The following RERGL variants were observed in gnomAD, a reference collection of about 807,000 sequenced individuals.
RERGL encodes the protein ras-related and estrogen-regulated growth inhibitor-like protein.
A neutral mutation model predicts 24.7 loss-of-function variants in RERGL; 22 were observed. The ratio of observed to expected loss-of-function variants is 0.89; its 90% CI spans 0.64 to 1.27. The LOEUF (loss-of-function observed/expected upper bound fraction) is 1.27, where lower values mean the gene tolerates loss of function less well. Among genes scored for constraint, RERGL ranks in the 50% most tolerant of loss-of-function variants. The pLI is 0.00. For synonymous variants in RERGL, 76 were observed against 82.6 expected, an observed-to-expected ratio of 0.92 and a Z score of 0.43; for missense variants, 259 against 235.3, an observed-to-expected ratio of 1.10 and a Z score of -0.66.
Position 18,082,329 on chromosome 12 carries a change from T to C in RERGL, c.333-856A>G, listed in dbSNP as rs1258801320. 3.9e-5 allele frequency among the ~76,000 whole-genome samples: 6 copies of C among 151,930 alleles called. No homozygotes were observed. The East Asian group carries it at 5.8e-4, about 15-fold the overall frequency. ...GGGGAACAACACACAATGGTGCCTA[T>C]TGGAAGGTCGAGGGTGGGAGGAGGA... On this transcript the variant is annotated intron_variant, in intron 4 of 4. Coordinates refer to ENST00000538724, the MANE Select transcript of RERGL (RefSeq NM_001286201.2).
intron 2 of RERGL, 128 bp downstream of exon 2, chr12:18,088,772 G>T: frequency 2.8e-6 from 2 of 713,784 alleles, no homozygotes; most frequent in Non-Finnish European, 5.0e-6. Context: ...ATCAGAATAT[G>T]TGAATAAATA....
intron 1 of RERGL, 104 bp from the exon 2 acceptor site, chr12:18,089,060 T>C: frequency 8.5e-7 from 1 of 1,170,276 alleles, no homozygotes. Context: ...TATTCAAGAA[T>C]TAATAAAGAC....
chr12:18,090,061 T>C, intron 1 of RERGL, 28 bp downstream of exon 1: 1 of 1,517,928 alleles, frequency 6.6e-7, no homozygotes, highest in Non-Finnish European at 8.8e-7. Flanking sequence ...CTACACTCTA[T>C]GATAACAGAG....
At chr12:18,083,619 A>G (rs1230470689) in intron 4 of RERGL, among the ~76,000 whole-genome samples, 1 of 152,148 alleles carries the variant, frequency 6.6e-6, no homozygotes, top group African/African-American at 2.4e-5. Context: ...AAAGGAAAGC[A>G]AGAATGTACA....
chr12:18,088,931 C>G lies in RERGL; in HGVS notation c.78G>C (p.Lys26Asn). 1 of 1,610,718 alleles carries G rather than the reference C, an allele frequency of 6.2e-7. No individual in the cohort carries two copies. Among genetic ancestry groups the G allele is most frequent in the Non-Finnish European group, 8.5e-7 (1 of 1,177,226 alleles). The change falls in exon 2 of 5, where the codon AAG (lysine) becomes AAC (asparagine). Residue 26 changes from lysine to asparagine, a missense_variant. By Grantham distance (94) the Lys-to-Asn change is moderately conservative (BLOSUM62 0). Coordinates refer to ENST00000538724, the MANE Select transcript of RERGL (RefSeq NM_001286201.2). ...TAGAAGCATATTCTCCAATGAATCGCTTAGTAAGAAACCTCACTGTAAGGG... is the reference window on the plus strand; with the variant it reads ...TAGAAGCATATTCTCCAATGAATCGGTTAGTAAGAAACCTCACTGTAAGGG... ...KSALTVRFLTKRFIGEYASNF... is the reference protein window; with the variant it reads ...KSALTVRFLTNRFIGEYASNF...
rs114463179 is a variant in RERGL at position 18,089,299 on chromosome 12, G to A, written c.53-343C>T. The A allele has an allele frequency of 1.9e-4, 310 of 1,590,856 alleles. No homozygotes were observed. In the African/African-American group the frequency reaches 3.7e-3, roughly 19 times the overall value. ...AGTTTGACATCTGTTTATTTTCTCTGTCAAACTCAGTCTGGCTTCAAGGTA... is the reference window on the plus strand; with the variant it reads ...AGTTTGACATCTGTTTATTTTCTCTATCAAACTCAGTCTGGCTTCAAGGTA... On this transcript the variant is annotated intron_variant, in intron 1 of 4. Transcript: ENST00000538724.
chr12:18,082,123 G>A (rs984497232), intron 4 of RERGL, among the ~76,000 whole-genome samples: 1 of 145,380 alleles, frequency 6.9e-6, no homozygotes, highest in Non-Finnish European at 1.5e-5. Context: ...CTGGGTAACA[G>A]AGCAAGACTT....
chr12:18,089,450 T>G (rs538770806), intron 1 of RERGL: 1 of 1,165,670 alleles, frequency 8.6e-7, no homozygotes, highest in Admixed American at 3.7e-5. Context: ...GCTCCTGGGT[T>G]TGGCCAGTTA....
chr12:18,088,592 C>T (rs1247842001), intron 2 of RERGL, among the ~76,000 whole-genome samples: 2 of 151,852 alleles, frequency 1.3e-5, no homozygotes, highest in African/African-American at 4.8e-5. Context: ...TTGTTTTATA[C>T]CTTACAAGAA....
At position 18,081,328 on chromosome 12, in the gene RERGL, C is replaced by T. The variant is rs774470995; in HGVS notation, c.478G>A (p.Val160Met). 39 of 1,613,984 alleles carry T rather than the reference C, an allele frequency of 2.4e-5. No individual in the cohort carries two copies. In the East Asian group the frequency reaches 7.8e-4, roughly 32 times the overall value. ...ELSAAEQSLEVEMMFIRIIKD... is the reference protein window; with the variant it reads ...ELSAAEQSLEMEMMFIRIIKD... The stretch of plus-strand genomic sequence containing the variant: ...ATAATTCTGATAAACATCATTTCCA[C>T]CTCCAGAGACTGCTCTGCTGCAGAC... The change falls in exon 5 of 5, where the codon GTG (valine) becomes ATG (methionine). Residue 160 changes from valine (V) to methionine (M), a missense_variant. Physicochemically the swap from Val to Met is conservative, Grantham distance 21. Transcript: ENST00000538724.
At chr12:18,084,449 C>T (rs1017572646) in intron 4 of RERGL, 68 bp downstream of exon 4, 1 of 1,455,966 alleles carries the variant, frequency 6.9e-7, no homozygotes, top group Admixed American at 2.3e-5. Context: ...TAAACTCTTC[C>T]TAATGATGCT....
At chr12:18,081,543 ACAGATTTAT>A in intron 4 of RERGL, 70 bp from the exon 5 acceptor site, 3 of 1,276,658 alleles carry the variant, frequency 2.3e-6, no homozygotes, top group Non-Finnish European at 3.2e-6. Flanking sequence ...AAAAAAAAAA[ACAGATTTAT>A]AACCAAAGGA....
At chr12:18,086,772 G>A (rs1947225876) in intron 2 of RERGL, among the ~76,000 whole-genome samples, 1 of 152,002 alleles carries the variant, frequency 6.6e-6, no homozygotes, top group Admixed American at 6.6e-5. Context: ...CCCAACTTAT[G>A]TCTGAAGCCC....
chr12:18,086,118 C>A (rs946081370), intron 2 of RERGL, among the ~76,000 whole-genome samples: 7 of 151,404 alleles, frequency 4.6e-5, no homozygotes, highest in Non-Finnish European at 8.8e-5. Context: ...CGTAATCCAC[C>A]TGCCTCGGCC....
intron 4 of RERGL, 123 bp downstream of exon 4, chr12:18,084,394 G>A (rs765526006): frequency 2.6e-6 from 2 of 773,780 alleles, no homozygotes; most frequent in Non-Finnish European, 3.9e-6. Context: ...GAATAGGAAG[G>A]TGAATTGTTC....
At chr12:18,089,019 G>C in intron 1 of RERGL, 63 bp from the exon 2 acceptor site, 2 of 1,369,030 alleles carry the variant, frequency 1.5e-6, no homozygotes, top group Non-Finnish European at 2.1e-6. Context: ...ATTTGGTTAT[G>C]TGCATAAGGC....
intron 4 of RERGL, among the ~76,000 whole-genome samples, chr12:18,082,143 C>CAAA (rs529778796): frequency 0.051 from 6,177 of 120,876 alleles, 326 homozygotes; most frequent in African/African-American, 0.15. Flanking sequence ...TTGTCTCAAC[C>CAAA]AAAAAAAAAA....
chr12:18,090,023 G>T, intron 1 of RERGL, 66 bp downstream of exon 1: 1 of 1,205,936 alleles, frequency 8.3e-7, no homozygotes, highest in Non-Finnish European at 1.1e-6. Context: ...GTGGTTAATG[G>T]TTAACATGTC....
intron 4 of RERGL, among the ~76,000 whole-genome samples, chr12:18,082,789 C>G (rs1006501524): frequency 6.6e-6 from 1 of 152,122 alleles, no homozygotes. Flanking sequence ...ATAGCATGCT[C>G]TAGAGAAAAT....
Sources: gnomAD v4.1 joint callset for allele counts (sites outside exome capture counted in the v4.1 genomes callset) on GRCh38, gnomAD v4.1.1 for gene constraint, MANE v1.5 for transcripts, NCBI Gene and HGNC (gene_info 2026-07-23, HGNC 2026-07-21) for gene names.